The following HDAC9 variants were observed in gnomAD, a reference collection of about 807,000 sequenced individuals.
HDAC9 encodes the protein histone deacetylase 9.
HDAC9 carries 41 observed loss-of-function variants against 139.4 expected under a neutral mutation model. That is an observed-to-expected ratio of 0.29 (90% CI 0.23 to 0.38). The LOEUF (loss-of-function observed/expected upper bound fraction) is 0.38, where lower values mean the gene tolerates loss of function less well. Ranked by LOEUF, HDAC9 falls within the 10% of genes least tolerant of loss-of-function variation. The pLI, the probability that HDAC9 is intolerant of heterozygous loss-of-function variation, is 1.00. For missense variants in HDAC9, 1,147 were observed against 1,297.0 expected (o/e 0.88, Z 1.78); for synonymous variants, 517 against 476.2 (o/e 1.09, Z -1.12).
intron 15 of HDAC9, among the ~76,000 whole-genome samples, chr7:18,765,874 A>G (rs1014552467): frequency 6.6e-6 from 1 of 152,072 alleles, no homozygotes; most frequent in African/African-American, 2.4e-5. Flanking sequence ...TTGTAATTCT[A>G]TTGACTTCTC....
At chr7:18,846,022 C>T (rs55885016) in intron 21 of HDAC9, among the ~76,000 whole-genome samples, 10,678 of 152,164 alleles carry the variant, frequency 0.07, 966 homozygotes, top group African/African-American at 0.21. Context: ...ACCAAGCCTA[C>T]GAAGGCTTTA....
At chr7:18,981,706 T>C (rs577161529) in intron 25 of HDAC9, among the ~76,000 whole-genome samples, 16 of 152,294 alleles carry the variant, frequency 1.1e-4, no homozygotes, top group Non-Finnish European at 2.4e-4. Flanking sequence ...TAAGGGCTCA[T>C]ATAATTAGAT....
Position 18,763,727 on chromosome 7 carries a change from GAGGTCATAATACTCA to G in HDAC9, c.2164+1453_2164+1467del, listed in dbSNP as rs1425429417. ...GACATTTTAATTGTCATGATTTTAT[GAGGTCATAATACTCA>G]AGCATTTAAACATAGGAGACTGTGT... is the stretch of plus-strand genomic sequence containing the variant. On this transcript the variant is annotated intron_variant, in intron 15 of 25. Coordinates refer to ENST00000686413, the MANE Select transcript of HDAC9 (RefSeq NM_178425.4). Among the ~76,000 whole-genome samples the G allele has an allele frequency of 2.0e-5, 3 of 152,048 alleles. No homozygotes were observed. In the East Asian group the frequency reaches 5.8e-4, roughly 29 times the overall value.
At chr7:18,946,495 G>C (rs1273688858) in intron 23 of HDAC9, among the ~76,000 whole-genome samples, 1 of 151,912 alleles carries the variant, frequency 6.6e-6, no homozygotes, top group Non-Finnish European at 1.5e-5. Flanking sequence ...CTAACTGAAG[G>C]AAAATTCATG....
intron 2 of HDAC9, among the ~76,000 whole-genome samples, chr7:18,195,231 A>G (rs1430826326): frequency 1.3e-5 from 2 of 152,156 alleles, no homozygotes; most frequent in Non-Finnish European, 2.9e-5. Context: ...TAAGGTTCCC[A>G]TATTTTTATC....
intron 2 of HDAC9, among the ~76,000 whole-genome samples, chr7:18,544,881 G>A (rs888611985): frequency 2.0e-5 from 3 of 152,168 alleles, no homozygotes; most frequent in Admixed American, 6.5e-5. Context: ...TTTCTTCCAG[G>A]AAACCTGTGA....
chr7:18,863,578 G>C (rs1798269122), intron 21 of HDAC9, among the ~76,000 whole-genome samples: 1 of 152,120 alleles, frequency 6.6e-6, no homozygotes, highest in Non-Finnish European at 1.5e-5. Flanking sequence ...CACTCTTTTA[G>C]GTCCCCAAAA....
chr7:18,253,381 G>A (rs1482661446), intron 2 of HDAC9, among the ~76,000 whole-genome samples: 1 of 151,848 alleles, frequency 6.6e-6, no homozygotes, highest in East Asian at 1.9e-4. Flanking sequence ...TAGTGTTTAA[G>A]CATTCCTTTT....
At chr7:18,165,597 G>T (rs1288386823) in intron 2 of HDAC9, among the ~76,000 whole-genome samples, 3 of 151,922 alleles carry the variant, frequency 2.0e-5, no homozygotes, top group African/African-American at 7.3e-5. Context: ...GACTAGCCTG[G>T]GCAATATGGT....
At chr7:18,805,430 T>C (rs1208231460) in intron 17 of HDAC9, among the ~76,000 whole-genome samples, 4 of 152,220 alleles carry the variant, frequency 2.6e-5, no homozygotes, top group Admixed American at 2.6e-4. Flanking sequence ...GAGAGCTGGC[T>C]GAACGTGCCC....
intron 17 of HDAC9, among the ~76,000 whole-genome samples, chr7:18,824,090 C>CAAGAACAAGAAG (rs1795227949): frequency 8.1e-6 from 1 of 123,078 alleles, no homozygotes; most frequent in African/African-American, 3.0e-5. Flanking sequence ...AGAAGAAGAA[C>CAAGAACAAGAAG]AAGAACAAGA....
intron 21 of HDAC9, among the ~76,000 whole-genome samples, chr7:18,866,016 A>G (rs1798468744): frequency 1.3e-5 from 2 of 150,558 alleles, no homozygotes; most frequent in Admixed American, 6.7e-5. Flanking sequence ...ATAAGATCAT[A>G]TAACTGCCTA....
At chr7:18,690,194 A>G (rs1782572989) in intron 12 of HDAC9, among the ~76,000 whole-genome samples, 2 of 152,010 alleles carry the variant, frequency 1.3e-5, no homozygotes, top group African/African-American at 4.8e-5. Flanking sequence ...TCCATATTTT[A>G]TATTCCTGAG....
At chr7:18,362,505 A>C (rs1318265817) in intron 1 of HDAC9, among the ~76,000 whole-genome samples, 1 of 152,204 alleles carries the variant, frequency 6.6e-6, no homozygotes, top group Non-Finnish European at 1.5e-5. Flanking sequence ...ATAAAAAATA[A>C]ATAGGTATAT....
intron 2 of HDAC9, among the ~76,000 whole-genome samples, chr7:18,168,558 C>G (rs377270143): frequency 2.6e-5 from 4 of 151,968 alleles, no homozygotes; most frequent in Admixed American, 6.6e-5. Flanking sequence ...TACAAAAACT[C>G]TGTGTGTGTG....
intron 1 of HDAC9, among the ~76,000 whole-genome samples, chr7:18,468,997 G>A (rs536068993): frequency 1.3e-5 from 2 of 152,278 alleles, no homozygotes; most frequent in Admixed American, 6.5e-5. Context: ...TTTTATTCAT[G>A]CATCTTACTC....
intron 16 of HDAC9, among the ~76,000 whole-genome samples, chr7:18,784,001 A>G (rs1229734815): frequency 1.3e-5 from 2 of 151,994 alleles, no homozygotes; most frequent in African/African-American, 4.8e-5. Flanking sequence ...CCTGTCCCTC[A>G]TCCCCAGTTA....
intron 17 of HDAC9, among the ~76,000 whole-genome samples, chr7:18,799,110 A>G (rs1187335246): frequency 2.6e-5 from 4 of 151,370 alleles, no homozygotes; most frequent in African/African-American, 9.7e-5. Flanking sequence ...CCCTCGGCAA[A>G]GGCTGGGGGA....
intron 2 of HDAC9, among the ~76,000 whole-genome samples, chr7:18,203,947 G>A (rs183588795): frequency 8.7e-4 from 133 of 152,294 alleles, no homozygotes; most frequent in African/African-American, 1.1e-3. Context: ...TTTCTCCAAA[G>A]CTATGTATGA....
Sources: allele counts gnomAD v4.1 joint callset (sites outside exome capture counted in the v4.1 genomes callset), GRCh38; gene constraint gnomAD v4.1.1; transcripts MANE v1.5; gene names NCBI Gene and HGNC (gene_info 2026-07-23, HGNC 2026-07-21).